The following EXOC2 variants were observed in gnomAD, a reference collection of about 807,000 sequenced individuals.
EXOC2 encodes the protein exocyst complex component 2.
A neutral mutation model predicts 131.8 loss-of-function variants in EXOC2; 70 were observed. That is an observed-to-expected ratio of 0.53 (90% CI 0.44 to 0.65). EXOC2 has a LOEUF of 0.65. Among genes scored for constraint, EXOC2 ranks in the 30% least tolerant of loss-of-function variants. The probability of loss-of-function intolerance (pLI) is 0.00; values close to 1 mark genes in which losing one functional copy is unlikely to be tolerated. For synonymous variants in EXOC2, 411 were observed against 398.4 expected (o/e 1.03, Z -0.38); for missense variants, 923 against 1,108.6 (o/e 0.83, Z 2.38).
At chr6:541,544 A>G (rs1047834668) in intron 22 of EXOC2, among the ~76,000 whole-genome samples, 6 of 152,264 alleles carry the variant, frequency 3.9e-5, no homozygotes, top group Middle Eastern at 3.4e-3. Flanking sequence ...AGTAAGTACA[A>G]AAAATGACCA....
At chr6:631,543 C>G (rs1469936105) in intron 3 of EXOC2, among the ~76,000 whole-genome samples, 1 of 146,910 alleles carries the variant, frequency 6.8e-6, no homozygotes, top group Non-Finnish European at 1.5e-5. Context: ...GACTCTGTCT[C>G]AAAACAAAAA....
intron 1 of EXOC2, among the ~76,000 whole-genome samples, chr6:658,135 T>C (rs1235276700): frequency 7.9e-5 from 12 of 152,160 alleles, no homozygotes; most frequent in Non-Finnish European, 8.8e-5. Flanking sequence ...CTGATACACA[T>C]AATTCACTAA....
At chr6:562,186 CT>C (rs1194416718) in intron 17 of EXOC2, among the ~76,000 whole-genome samples, 6 of 152,240 alleles carry the variant, frequency 3.9e-5, no homozygotes, top group Admixed American at 1.3e-4. Flanking sequence ...AAGTCCCCCC[CT>C]GGTGAAAGCC....
chr6:646,441 G>A (rs1219820353), intron 1 of EXOC2, among the ~76,000 whole-genome samples: 8 of 152,148 alleles, frequency 5.3e-5, no homozygotes, highest in Admixed American at 5.2e-4. Flanking sequence ...GGGTTTATAG[G>A]AGTTACTTTT....
chr6:671,109 C>A (rs1342718978), intron 1 of EXOC2, among the ~76,000 whole-genome samples: 4 of 147,282 alleles, frequency 2.7e-5, no homozygotes, highest in African/African-American at 5.0e-5. Context: ...GTAATCCCAA[C>A]ACTTCGCGAG....
chr6:488,845 A>T, intron 27 of EXOC2, 134 bp downstream of exon 27: 1 of 894,346 alleles, frequency 1.1e-6, no homozygotes, highest in Non-Finnish European at 1.7e-6. Context: ...AAGTAGGTAT[A>T]TCTGCTTATT....
At chr6:570,065 G>A (rs571714669) in intron 13 of EXOC2, among the ~76,000 whole-genome samples, 15 of 152,176 alleles carry the variant, frequency 9.9e-5, no homozygotes, top group African/African-American at 3.1e-4. Flanking sequence ...TGATGCAAAT[G>A]AGGGAAAAAC....
intron 12 of EXOC2, among the ~76,000 whole-genome samples, chr6:574,437 C>T (rs1758469040): frequency 6.6e-6 from 1 of 152,198 alleles, no homozygotes; most frequent in Non-Finnish European, 1.5e-5. Flanking sequence ...CCTCGTATCT[C>T]ATTGTAGTGT....
intron 11 of EXOC2, among the ~76,000 whole-genome samples, chr6:578,214 GT>G (rs1758690463): frequency 6.6e-6 from 1 of 152,052 alleles, no homozygotes; most frequent in Admixed American, 6.6e-5. Context: ...TTGTTTTCAG[GT>G]GCTAATATAA....
chr6:639,710 T>A (rs1246902385), intron 1 of EXOC2, among the ~76,000 whole-genome samples: 1 of 152,082 alleles, frequency 6.6e-6, no homozygotes, highest in Non-Finnish European at 1.5e-5. Flanking sequence ...ACACACAAAC[T>A]CAATCAAATC....
chr6:612,666 A>G (rs1190078048), intron 6 of EXOC2, among the ~76,000 whole-genome samples: 3 of 152,226 alleles, frequency 2.0e-5, no homozygotes, highest in Non-Finnish European at 4.4e-5. Flanking sequence ...TCATACATCA[A>G]TAGACACTAA....
intron 2 of EXOC2, among the ~76,000 whole-genome samples, chr6:636,456 A>G (rs748455224): frequency 1.3e-5 from 2 of 152,224 alleles, no homozygotes; most frequent in African/African-American, 2.4e-5. Flanking sequence ...AGAGAAAACA[A>G]TATCAAATGA....
intron 1 of EXOC2, among the ~76,000 whole-genome samples, chr6:691,471 C>A (rs1764920100): frequency 6.6e-6 from 1 of 152,178 alleles, no homozygotes; most frequent in South Asian, 2.1e-4. Flanking sequence ...GGATAATAAC[C>A]TTCATGATTC....
At chr6:567,282 G>C (rs1384396264) in intron 13 of EXOC2, among the ~76,000 whole-genome samples, 4 of 152,156 alleles carry the variant, frequency 2.6e-5, no homozygotes, top group African/African-American at 9.7e-5. Context: ...TGGTGCTGCA[G>C]GCGTCCTTCT....
At chr6:551,583 C>T (rs942773989) in intron 21 of EXOC2, among the ~76,000 whole-genome samples, 2 of 152,116 alleles carry the variant, frequency 1.3e-5, no homozygotes, top group African/African-American at 4.8e-5. Flanking sequence ...GGAAGAGGCA[C>T]AAGAGCAGGA....
At chr6:640,863 A>G (rs1762320927) in intron 1 of EXOC2, among the ~76,000 whole-genome samples, 2 of 147,926 alleles carry the variant, frequency 1.4e-5, no homozygotes, top group South Asian at 4.4e-4. Context: ...TAACAGCCCT[A>G]CCAAACTACT....
At chr6:491,099 C>G (rs370832046) in intron 26 of EXOC2, 26 bp downstream of exon 26, 7 of 1,612,226 alleles carry the variant, frequency 4.3e-6, no homozygotes, top group Non-Finnish European at 5.9e-6. Context: ...TAATAGAGCA[C>G]TCAACTAAAG....
intron 17 of EXOC2, among the ~76,000 whole-genome samples, chr6:560,374 G>A (rs1757636033): frequency 6.6e-6 from 1 of 152,192 alleles, no homozygotes; most frequent in African/African-American, 2.4e-5. Flanking sequence ...CTTCACACCA[G>A]TGCTGTCCGA....
chr6:530,449 C>T (rs530798611), intron 23 of EXOC2, among the ~76,000 whole-genome samples: 17 of 152,292 alleles, frequency 1.1e-4, no homozygotes, highest in African/African-American at 3.6e-4. Flanking sequence ...AGCTAGATAA[C>T]GACAAAACAT....
Sources: allele counts gnomAD v4.1 joint callset (sites outside exome capture counted in the v4.1 genomes callset), GRCh38; gene constraint gnomAD v4.1.1; transcripts MANE v1.5; gene names NCBI Gene and HGNC (gene_info 2026-07-23, HGNC 2026-07-21).